Variants in SLC10A7 observed in about 807,000 individuals in gnomAD.
SLC10A7 encodes the protein solute carrier family 10 member 7.
SLC10A7 carries 29 observed loss-of-function variants against 43.2 expected under a neutral mutation model. That is an observed-to-expected ratio of 0.67 (90% CI 0.50 to 0.92). The LOEUF is 0.92. Among genes scored for constraint, SLC10A7 ranks in the 40% least tolerant of loss-of-function variants. The pLI is 0.00. For missense variants in SLC10A7, 295 were observed against 403.2 expected (o/e 0.73, Z 2.30); for synonymous variants, 152 against 144.8 (o/e 1.05, Z -0.35).
intron 5 of SLC10A7, among the ~76,000 whole-genome samples, chr4:146,368,090 G>A (rs1736521362): frequency 6.6e-6 from 1 of 152,140 alleles, no homozygotes; most frequent in South Asian, 2.1e-4. Context: ...AACACTGCCA[G>A]GCTCCTTTCT....
chr4:146,289,082 T>C (rs1730229294), intron 9 of SLC10A7, among the ~76,000 whole-genome samples: 1 of 152,206 alleles, frequency 6.6e-6, no homozygotes, highest in Admixed American at 6.5e-5. Context: ...GTGAGGCCTC[T>C]TCTTTGTTAA....
chr4:146,515,596 G>A (rs961295484), intron 2 of SLC10A7, among the ~76,000 whole-genome samples: 1 of 152,066 alleles, frequency 6.6e-6, no homozygotes, highest in African/African-American at 2.4e-5. Context: ...ACTACACAAT[G>A]ATCCTACGTA....
chr4:146,307,834 A>T (rs1731688801), intron 6 of SLC10A7, among the ~76,000 whole-genome samples: 1 of 149,514 alleles, frequency 6.7e-6, no homozygotes, highest in African/African-American at 2.5e-5. Context: ...AGGTTTTTAA[A>T]TTTTTTATAT....
At chr4:146,275,648 A>G (rs1196957497) in intron 10 of SLC10A7, among the ~76,000 whole-genome samples, 1 of 152,176 alleles carries the variant, frequency 6.6e-6, no homozygotes, top group Non-Finnish European at 1.5e-5. Flanking sequence ...TTTCCAGCAG[A>G]TAAGGTATAA....
intron 6 of SLC10A7, among the ~76,000 whole-genome samples, chr4:146,323,342 G>C (rs979373519): frequency 6.6e-6 from 1 of 152,166 alleles, no homozygotes; most frequent in Non-Finnish European, 1.5e-5. Flanking sequence ...TTTTCTTCTA[G>C]GGTTTTTATG....
intron 10 of SLC10A7, among the ~76,000 whole-genome samples, chr4:146,281,962 G>A (rs1277008391): frequency 6.6e-6 from 1 of 152,078 alleles, no homozygotes; most frequent in Non-Finnish European, 1.5e-5. Flanking sequence ...ACCAAGTGCT[G>A]TGCCAGGTAC....
chr4:146,374,963 T>C (rs1004789252), intron 5 of SLC10A7, among the ~76,000 whole-genome samples: 9 of 152,154 alleles, frequency 5.9e-5, no homozygotes, highest in African/African-American at 2.2e-4. Context: ...CCTAGCACTT[T>C]GGGAGGCTGA....
chr4:146,429,592 TAGC>T (rs1269203798), intron 5 of SLC10A7, among the ~76,000 whole-genome samples: 1 of 150,692 alleles, frequency 6.6e-6, no homozygotes, highest in Non-Finnish European at 1.5e-5. Flanking sequence ...GAAAGAAAAA[TAGC>T]AGGCTAACAA....
intron 7 of SLC10A7, among the ~76,000 whole-genome samples, chr4:146,302,626 G>C (rs1300810959): frequency 6.6e-6 from 1 of 152,020 alleles, no homozygotes; most frequent in East Asian, 1.9e-4. Flanking sequence ...GAGGTGGGAG[G>C]GTAGGCAGAA....
chr4:146,408,725 A>C (rs1727917382), intron 5 of SLC10A7: 1 of 152,036 alleles, frequency 6.6e-6, no homozygotes, highest in African/African-American at 2.4e-5. Flanking sequence ...ATTTTAAGTC[A>C]ATTTTTTTTC....
rs199991779 is a variant in SLC10A7 at position 146,462,860 on chromosome 4, T to TA, written c.397-20040dup. On this transcript the variant is annotated intron_variant, in intron 4 of 11. Coordinates refer to ENST00000335472, the MANE Select transcript of SLC10A7 (RefSeq NM_001029998.6). The stretch of plus-strand genomic sequence containing the variant: ...TTTTATATCTGTAAGCGACTTTCTC[T>TA]AAAAAAAAATCACCTGTGAAGATAC... Among the ~76,000 whole-genome samples, 1,196 of 151,596 alleles carry TA rather than the reference T, an allele frequency of 7.9e-3. 10 individuals are homozygous for TA. Among genetic ancestry groups the TA allele is most frequent in the African/African-American group, 0.024 (985 of 41,336 alleles).
intron 4 of SLC10A7, among the ~76,000 whole-genome samples, chr4:146,503,564 C>T (rs1444157025): frequency 6.6e-6 from 1 of 152,162 alleles, no homozygotes; most frequent in Non-Finnish European, 1.5e-5. Context: ...ATGCCTTTCC[C>T]AGGTCTTCTC....
At chr4:146,294,620 A>G (rs1166314628) in intron 7 of SLC10A7, among the ~76,000 whole-genome samples, 1 of 152,244 alleles carries the variant, frequency 6.6e-6, no homozygotes, top group Non-Finnish European at 1.5e-5. Context: ...CATGCTTGAA[A>G]AGCAAAAGTG....
At chr4:146,482,635 A>T (rs896537407) in intron 4 of SLC10A7, among the ~76,000 whole-genome samples, 4 of 151,964 alleles carry the variant, frequency 2.6e-5, no homozygotes, top group Non-Finnish European at 4.4e-5. Flanking sequence ...ATGGGATGCC[A>T]CTAGGCCAAC....
chr4:146,380,302 T>G (rs1737521189), intron 5 of SLC10A7, among the ~76,000 whole-genome samples: 1 of 152,180 alleles, frequency 6.6e-6, no homozygotes, highest in African/African-American at 2.4e-5. Context: ...GTTGCCTAAA[T>G]TAACCATGCA....
intron 4 of SLC10A7, among the ~76,000 whole-genome samples, chr4:146,457,350 A>G (rs1442172463): frequency 6.6e-6 from 1 of 151,952 alleles, no homozygotes; most frequent in Admixed American, 6.6e-5. Flanking sequence ...ATGGGTATCC[A>G]TCTCCTCAAG....
chr4:146,453,897 G>C (rs998332291), intron 4 of SLC10A7, among the ~76,000 whole-genome samples: 14 of 151,842 alleles, frequency 9.2e-5, no homozygotes, highest in Admixed American at 9.2e-4. Flanking sequence ...AATATGCATG[G>C]GGCAAGAGAG....
intron 4 of SLC10A7, among the ~76,000 whole-genome samples, chr4:146,481,402 TTGC>T (rs61027778): frequency 7.2e-5 from 11 of 151,964 alleles, no homozygotes; most frequent in Non-Finnish European, 1.3e-4. Flanking sequence ...GCCTGGGTCC[TTGC>T]TGCTGCTGCT....
intron 5 of SLC10A7, among the ~76,000 whole-genome samples, chr4:146,351,576 A>G (rs1161179125): frequency 6.6e-6 from 1 of 151,738 alleles, no homozygotes; most frequent in Non-Finnish European, 1.5e-5. Flanking sequence ...TCCAAGACAC[A>G]TAATTGTCAG....
Sources: gnomAD v4.1 joint callset for allele counts (sites outside exome capture counted in the v4.1 genomes callset) on GRCh38, gnomAD v4.1.1 for gene constraint, MANE v1.5 for transcripts, NCBI Gene and HGNC (gene_info 2026-07-23, HGNC 2026-07-21) for gene names.